Variants in SCAPER observed in about 807,000 individuals in gnomAD.
SCAPER encodes the protein S-phase cyclin A associated protein in the ER.
Under a neutral mutation model 182.2 loss-of-function variants are expected in SCAPER, and 98 were observed. The ratio of observed to expected loss-of-function variants is 0.54; its 90% CI spans 0.46 to 0.64. The LOEUF (loss-of-function observed/expected upper bound fraction) is 0.64, where lower values mean the gene tolerates loss of function less well. Among genes scored for constraint, SCAPER ranks in the 30% least tolerant of loss-of-function variants. The pLI, the probability that SCAPER is intolerant of heterozygous loss-of-function variation, is 0.00. For missense variants in SCAPER, 1,432 were observed against 1,690.0 expected (o/e 0.85, Z 2.68); for synonymous variants, 605 against 564.6 (o/e 1.07, Z -1.01).
At chr15:76,716,397 C>G (rs1445959146) in intron 17 of SCAPER, among the ~76,000 whole-genome samples, 1 of 151,930 alleles carries the variant, frequency 6.6e-6, no homozygotes, top group Non-Finnish European at 1.5e-5. Context: ...TCACAAGAAA[C>G]ATGAAAAAGC....
chr15:76,682,903 C>T (rs1388062791), intron 20 of SCAPER, among the ~76,000 whole-genome samples: 1 of 152,118 alleles, frequency 6.6e-6, no homozygotes, highest in East Asian at 1.9e-4. Context: ...AACAAAACGA[C>T]CCCATCCAAA....
chr15:76,425,681 T>C (rs284894), intron 26 of SCAPER, among the ~76,000 whole-genome samples: 147,935 of 152,296 alleles, frequency 0.97, 71,989 homozygotes, highest in South Asian at 1. Context: ...CTTTGGAGGG[T>C]GAGAGGTGCT....
At chr15:76,707,308 G>C (rs916235590) in intron 17 of SCAPER, among the ~76,000 whole-genome samples, 1 of 151,784 alleles carries the variant, frequency 6.6e-6, no homozygotes, top group African/African-American at 2.4e-5. Flanking sequence ...AATGAGAATC[G>C]ACTAAACATT....
intron 27 of SCAPER, among the ~76,000 whole-genome samples, chr15:76,387,649 AC>A (rs1477951724): frequency 6.6e-6 from 1 of 152,204 alleles, no homozygotes; most frequent in African/African-American, 2.4e-5. Flanking sequence ...AAAAATAGTC[AC>A]CAGTAGGGTA....
chr15:76,713,725 C>T (rs1393876437), intron 17 of SCAPER, among the ~76,000 whole-genome samples: 1 of 151,910 alleles, frequency 6.6e-6, no homozygotes, highest in East Asian at 1.9e-4. Flanking sequence ...CACATGTATA[C>T]ATATGTAACT....
chr15:76,359,162 C>T (rs1399257147), intron 29 of SCAPER, among the ~76,000 whole-genome samples: 1 of 152,180 alleles, frequency 6.6e-6, no homozygotes, highest in Non-Finnish European at 1.5e-5. Context: ...GAAGCCCCCT[C>T]CCAGTGTGAG....
At chr15:76,833,467 A>T (rs1363986041) in intron 5 of SCAPER, among the ~76,000 whole-genome samples, 3 of 152,210 alleles carry the variant, frequency 2.0e-5, no homozygotes, top group Non-Finnish European at 4.4e-5. Context: ...CGACATAAGA[A>T]TCAACCAGCT....
chr15:76,476,670 T>C (rs1270020455), intron 24 of SCAPER, among the ~76,000 whole-genome samples: 1 of 140,190 alleles, frequency 7.1e-6, no homozygotes, highest in East Asian at 2.2e-4. Flanking sequence ...CTTGACTTCC[T>C]GGCCTCAAGT....
intron 25 of SCAPER, among the ~76,000 whole-genome samples, chr15:76,436,272 T>C (rs1241013462): frequency 6.6e-6 from 1 of 152,212 alleles, no homozygotes; most frequent in Non-Finnish European, 1.5e-5. Context: ...TTCACCATGT[T>C]GGCCAGGCTA....
intron 16 of SCAPER, among the ~76,000 whole-genome samples, chr15:76,732,660 T>C (rs536009560): frequency 1.1e-4 from 17 of 152,240 alleles, no homozygotes; most frequent in African/African-American, 3.6e-4. Flanking sequence ...CCGGGGAGTT[T>C]AGAGAAGACT....
intron 5 of SCAPER, among the ~76,000 whole-genome samples, chr15:76,810,731 T>C (rs1317609126): frequency 1.3e-5 from 2 of 152,032 alleles, no homozygotes; most frequent in African/African-American, 2.4e-5. Flanking sequence ...GACTAAATTA[T>C]TTGGGGTTAA....
At chr15:76,531,797 A>G (rs1330397084) in intron 23 of SCAPER, among the ~76,000 whole-genome samples, 1 of 152,166 alleles carries the variant, frequency 6.6e-6, no homozygotes, top group Non-Finnish European at 1.5e-5. Context: ...ATGGAGAGTT[A>G]GTGGTCTACT....
At chr15:76,880,197 T>G (rs779953924) in intron 2 of SCAPER, among the ~76,000 whole-genome samples, 33 of 152,338 alleles carry the variant, frequency 2.2e-4, no homozygotes, top group Non-Finnish European at 4.4e-4. Flanking sequence ...TCTTGATAAC[T>G]TCAGGTTACC....
intron 21 of SCAPER, among the ~76,000 whole-genome samples, chr15:76,650,766 G>T (rs1336648061): frequency 6.6e-6 from 1 of 152,070 alleles, no homozygotes; most frequent in Non-Finnish European, 1.5e-5. Context: ...CAGACCAGTT[G>T]CTGAGAAATA....
chr15:76,688,373 C>T lies in SCAPER; in HGVS notation c.2508+13385G>A, dbSNP rs190413505. Among the ~76,000 whole-genome samples, 21 of 152,268 alleles carry T rather than the reference C, an allele frequency of 1.4e-4. No individual in the cohort carries two copies. The East Asian group carries it at 3.3e-3, about 24-fold the overall frequency. ...TGGATAGATTGCAAAAATTTTCTCC[C>T]ATTCTGTAGGTTGCCTGTTTACTCT... On this transcript the variant is annotated intron_variant, in intron 20 of 31. Transcript: ENST00000563290.
intron 23 of SCAPER, among the ~76,000 whole-genome samples, chr15:76,558,699 T>C (rs1043233361): frequency 1.3e-5 from 2 of 152,132 alleles, no homozygotes; most frequent in African/African-American, 4.8e-5. Flanking sequence ...TAAATTGTTC[T>C]ACCATAAAGA....
intron 26 of SCAPER, among the ~76,000 whole-genome samples, chr15:76,409,603 C>A (rs916865847): frequency 2.7e-5 from 4 of 149,934 alleles, no homozygotes; most frequent in Non-Finnish European, 5.9e-5. Flanking sequence ...TATGTACCCC[C>A]GAATCTATTA....
chr15:76,532,890 T>TC (rs2043798696), intron 23 of SCAPER, among the ~76,000 whole-genome samples: 8 of 152,030 alleles, frequency 5.3e-5, no homozygotes, highest in African/African-American at 1.4e-4. Context: ...AATGCTAGGG[T>TC]TCTACAGCAG....
At chr15:76,793,050 G>A (rs756979845) in intron 8 of SCAPER, among the ~76,000 whole-genome samples, 8 of 151,950 alleles carry the variant, frequency 5.3e-5, no homozygotes, top group Admixed American at 1.3e-4. Flanking sequence ...CTCTTCTCCC[G>A]TCTCTTTTTC....
Sources: gnomAD v4.1 joint callset for allele counts (sites outside exome capture counted in the v4.1 genomes callset) on GRCh38, gnomAD v4.1.1 for gene constraint, MANE v1.5 for transcripts, NCBI Gene and HGNC (gene_info 2026-07-23, HGNC 2026-07-21) for gene names.